Variants in DCP1B observed in about 807,000 individuals in gnomAD.
DCP1B encodes mRNA-decapping enzyme 1B.
Under a neutral mutation model 60.5 loss-of-function variants are expected in DCP1B, and 47 were observed. The ratio of observed to expected loss-of-function variants is 0.78; its 90% CI spans 0.61 to 0.99. DCP1B has a LOEUF of 0.99. Among genes scored for constraint, DCP1B ranks in the 50% least tolerant of loss-of-function variants. The probability of loss-of-function intolerance (pLI) is 0.00; values close to 1 mark genes in which losing one functional copy is unlikely to be tolerated. For synonymous variants in DCP1B, 267 were observed against 280.3 expected, an observed-to-expected ratio of 0.95 and a Z score of 0.47; for missense variants, 725 against 756.8, an observed-to-expected ratio of 0.96 and a Z score of 0.49.
Position 2,004,436 on chromosome 12 carries a change from C to T in DCP1B, c.-5G>A, listed in dbSNP as rs528219256. ...GCCTGCCGCCACGGCTGCCATCTTC[C>T]CTCCCTCCCAGACATAGGCACGGGG... On this transcript the variant is annotated 5_prime_UTR_variant, in exon 1 of 9. Coordinates refer to ENST00000280665, the MANE Select transcript of DCP1B (RefSeq NM_152640.5). The T allele has an allele frequency of 9.1e-5, 147 of 1,606,766 alleles. No homozygotes were observed. The highest frequency in any genetic ancestry group is 1.2e-4 in the Non-Finnish European group (141 of 1,177,142).
At chr12:1,986,836 T>C (rs1202579763) in intron 3 of DCP1B, among the ~76,000 whole-genome samples, 1 of 152,214 alleles carries the variant, frequency 6.6e-6, no homozygotes, top group Non-Finnish European at 1.5e-5. Context: ...CCCCAGTTAG[T>C]TGCTTTTGTA....
chr12:1,995,847 TACTTCAGACA>T (rs916163772), intron 2 of DCP1B, among the ~76,000 whole-genome samples: 1 of 152,180 alleles, frequency 6.6e-6, no homozygotes, highest in Non-Finnish European at 1.5e-5. Flanking sequence ...ACTACCAAAT[TACTTCAGACA>T]ACTCTAAACC....
Position 1,965,680 on chromosome 12 carries a change from C to T in DCP1B, c.400G>A (p.Glu134Lys). The change falls in exon 5 of 9, where the codon GAA (glutamate) becomes AAA (lysine). Residue 134 changes from glutamate to lysine, a missense_variant. Transcript: ENST00000280665. ...GTTCCCTGATGGGCTTTCAACTGTT[C>T]ATACTGAGTTAGGCTAGAAAAACAG... ...AELMKNLTQY[E>K]QLKAHQGTGA... 6.2e-7 allele frequency: 1 copy of T among 1,610,848 alleles called. No individual in the cohort carries two copies. Among genetic ancestry groups the T allele is most frequent in the Non-Finnish European group, 8.5e-7 (1 of 1,178,934 alleles).
In DCP1B at chr12:1,950,498, C is replaced by T; in HGVS notation, c.1525-1164G>A. The T allele has an allele frequency of 5.8e-6, 4 of 686,816 alleles. No individual in the cohort carries two copies. In the South Asian group the frequency reaches 6.1e-5, roughly 10 times the overall value. 42.5% of individuals were successfully genotyped at this position (686,816 alleles called of 1,614,324 possible). Reference sequence around the variant, plus strand: ...CATTTTTAAAAAAGGGACAATAACACTGAAATGAGGGGGAGTGGGAGTTAT... The same window carrying T: ...CATTTTTAAAAAAGGGACAATAACATTGAAATGAGGGGGAGTGGGAGTTAT... On this transcript the variant is annotated intron_variant, in intron 7 of 8. Coordinates refer to ENST00000280665, the MANE Select transcript of DCP1B (RefSeq NM_152640.5).
At chr12:1,964,954 A>T (rs906265854) in intron 5 of DCP1B, among the ~76,000 whole-genome samples, 1 of 151,894 alleles carries the variant, frequency 6.6e-6, no homozygotes, top group Non-Finnish European at 1.5e-5. Flanking sequence ...TTTCTTGCAT[A>T]TTTCTTTCCA....
Position 1,953,251 on chromosome 12 carries a change from G to A in DCP1B, c.689C>T (p.Ala230Val), listed in dbSNP as rs767519607. ...AGCTTTGTCCTGCTTCCCAAACAGAGCTGTCAAGGATAAGTGTTGGGGTTC... is the reference window on the plus strand; with the variant it reads ...AGCTTTGTCCTGCTTCCCAAACAGAACTGTCAAGGATAAGTGTTGGGGTTC... The part of the protein sequence containing the change: ...DPEPQHLSLT[A>V]LFGKQDKATC... Residue 230 changes from alanine to valine, a missense_variant, in exon 7 of 9, where the codon GCT becomes GTT. Transcript: ENST00000280665. 3.7e-6 allele frequency: 6 copies of A among 1,602,796 alleles called. No individual in the cohort carries two copies. The Middle Eastern group carries it at 4.9e-4, about 132-fold the overall frequency.
At chr12:1,991,107 A>G in intron 3 of DCP1B, 1 of 456,126 alleles carries the variant, frequency 2.2e-6, no homozygotes, top group Non-Finnish European at 4.4e-6. Flanking sequence ...TTTAATATGC[A>G]TCCCAAAGGC....
chr12:1,958,213 A>C (rs1252693130), intron 5 of DCP1B, among the ~76,000 whole-genome samples: 16 of 129,862 alleles, frequency 1.2e-4, no homozygotes, highest in Non-Finnish European at 3.3e-5. Context: ...CTGGGCAATG[A>C]CTTTTTCTAT....
intron 3 of DCP1B, among the ~76,000 whole-genome samples, chr12:1,982,258 T>G (rs887463385): frequency 2.0e-5 from 3 of 152,188 alleles, no homozygotes; most frequent in African/African-American, 7.2e-5. Context: ...GTTTAAAATA[T>G]GCAGTTCAGT....
chr12:1,955,534 C>A lies in DCP1B; in HGVS notation c.549G>T (p.Lys183Asn). Reference sequence around the variant, plus strand: ...CATAGATGGCAGAGGAACTGGTTATCTTTTTTGGCTCAGAACAGGTTTTAC... The same window carrying A: ...CATAGATGGCAGAGGAACTGGTTATATTTTTTGGCTCAGAACAGGTTTTAC... Reference protein sequence around the residue: ...TKCKTCSEPKKITSSSAIYDN... With the variant: ...TKCKTCSEPKNITSSSAIYDN... The change falls in exon 6 of 9, where the codon AAG becomes AAT. Residue 183 changes from lysine to asparagine, a missense_variant. Physicochemically the swap from Lys to Asn is moderately conservative, Grantham distance 94. Transcript: ENST00000280665. 1 of 1,613,368 alleles carries A rather than the reference C, an allele frequency of 6.2e-7. No homozygotes were observed. Among genetic ancestry groups the A allele is most frequent in the Non-Finnish European group, 8.5e-7 (1 of 1,179,462 alleles).
At chr12:1,944,103 A>G (rs2030347907), downstream of DCP1B, among the ~76,000 whole-genome samples, 2 of 152,242 alleles carry the variant, frequency 1.3e-5, no homozygotes, top group African/African-American at 4.8e-5. Flanking sequence ...TACAAAATCA[A>G]TGTGCAAAAA....
intron 3 of DCP1B, among the ~76,000 whole-genome samples, chr12:1,975,737 G>A (rs1348330650): frequency 6.6e-6 from 1 of 152,188 alleles, no homozygotes; most frequent in African/African-American, 2.4e-5. Context: ...TAAAACAAGT[G>A]ACTTTACTTT....
intron 2 of DCP1B, 86 bp downstream of exon 2, chr12:1,997,849 C>A: frequency 9.3e-7 from 1 of 1,075,708 alleles, no homozygotes; most frequent in Admixed American, 2.4e-5. Flanking sequence ...TGAAATAAAA[C>A]TGCATGCACT....
At chr12:1,954,629 G>A (rs950296366) in intron 6 of DCP1B, among the ~76,000 whole-genome samples, 1 of 151,896 alleles carries the variant, frequency 6.6e-6, no homozygotes, top group African/African-American at 2.4e-5. Flanking sequence ...ATCTGAAGAG[G>A]AGTTTTATAC....
chr12:1,985,013 T>C (rs1565826665), intron 3 of DCP1B, among the ~76,000 whole-genome samples: 1 of 151,968 alleles, frequency 6.6e-6, no homozygotes, highest in African/African-American at 2.4e-5. Context: ...CACAATGGTT[T>C]TCTCTGGTTT....
intron 3 of DCP1B, among the ~76,000 whole-genome samples, chr12:1,969,193 T>C (rs1313142465): frequency 6.6e-6 from 1 of 152,250 alleles, no homozygotes. Flanking sequence ...TATGATATTC[T>C]AACTACATCT....
chr12:1,988,621 T>C (rs143089509), intron 3 of DCP1B, among the ~76,000 whole-genome samples: 102 of 152,366 alleles, frequency 6.7e-4, no homozygotes, highest in African/African-American at 2.4e-3. Context: ...TTTGGGTTTA[T>C]GTCTTTTTAA....
chr12:1,968,702 A>C (rs1239071867), intron 3 of DCP1B, among the ~76,000 whole-genome samples: 1 of 152,232 alleles, frequency 6.6e-6, no homozygotes, highest in Non-Finnish European at 1.5e-5. Context: ...TTAACTGAGA[A>C]AGTGGCTTTG....
chr12:1,954,680 G>A (rs1487622802), intron 6 of DCP1B, among the ~76,000 whole-genome samples: 1 of 152,128 alleles, frequency 6.6e-6, no homozygotes, highest in Non-Finnish European at 1.5e-5. Context: ...AGCTACCCCA[G>A]TCTACAGTGC....
Sources: gnomAD v4.1 joint callset for allele counts (sites outside exome capture counted in the v4.1 genomes callset) on GRCh38, gnomAD v4.1.1 for gene constraint, MANE v1.5 for transcripts, NCBI Gene and HGNC (gene_info 2026-07-23, HGNC 2026-07-21) for gene names.